Variants in OLA1 observed in about 807,000 individuals in gnomAD.
The protein encoded by OLA1 is Obg like ATPase 1, also known as obg-like ATPase 1.
A neutral mutation model predicts 48.4 loss-of-function variants in OLA1; 14 were observed. The ratio of observed to expected loss-of-function variants is 0.29; its 90% CI spans 0.19 to 0.45. The LOEUF (loss-of-function observed/expected upper bound fraction) is 0.45, where lower values mean the gene tolerates loss of function less well. OLA1 is among the 20% of genes least tolerant of loss of function. OLA1 has a pLI of 1.00. For synonymous variants in OLA1, 127 were observed against 150.4 expected (o/e 0.84, Z 1.14); for missense variants, 325 against 467.1 (o/e 0.70, Z 2.80).
At chr2:174,132,649 G>A (rs981195364) in intron 5 of OLA1, among the ~76,000 whole-genome samples, 1 of 152,068 alleles carries the variant, frequency 6.6e-6, no homozygotes, top group Non-Finnish European at 1.5e-5. Context: ...ACAATTTCTA[G>A]TAATCTTCCC....
intron 5 of OLA1, among the ~76,000 whole-genome samples, chr2:174,139,952 T>C (rs1214607230): frequency 6.6e-6 from 1 of 152,050 alleles, no homozygotes; most frequent in East Asian, 1.9e-4. Context: ...GGAAAAACTC[T>C]TCTTTAACAT....
intron 2 of OLA1, among the ~76,000 whole-genome samples, chr2:174,230,875 G>A (rs1688713649): frequency 6.6e-6 from 1 of 152,154 alleles, no homozygotes; most frequent in Admixed American, 6.5e-5. Flanking sequence ...TGAAGGGTCT[G>A]GGATTCTGAA....
intron 4 of OLA1, among the ~76,000 whole-genome samples, chr2:174,210,746 T>C (rs1278218101): frequency 6.6e-6 from 1 of 152,200 alleles, no homozygotes; most frequent in African/African-American, 2.4e-5. Context: ...GGTTTTCCTT[T>C]GCTTTGACAA....
At chr2:174,119,614 C>T (rs1372890374) in intron 7 of OLA1, among the ~76,000 whole-genome samples, 2 of 151,922 alleles carry the variant, frequency 1.3e-5, no homozygotes, top group African/African-American at 2.4e-5. Flanking sequence ...CCCCCCAAAC[C>T]AAGCACATAA....
chr2:174,207,716 C>T (rs1688149064), intron 4 of OLA1, among the ~76,000 whole-genome samples: 1 of 152,092 alleles, frequency 6.6e-6, no homozygotes, highest in African/African-American at 2.4e-5. Context: ...AATTGATATG[C>T]TCTACTTACT....
At position 174,134,709 on chromosome 2, in the gene OLA1, T is replaced by TGG. The variant is rs61696417; in HGVS notation, c.549+7114_549+7115dup. Among the ~76,000 whole-genome samples, 828 of 152,244 alleles carry TGG rather than the reference T, an allele frequency of 5.4e-3. 5 individuals carry two copies. The highest frequency in any genetic ancestry group is 0.019 in the African/African-American group (783 of 41,548). On this transcript the variant is annotated intron_variant, in intron 5 of 10. Transcript: ENST00000284719. The stretch of plus-strand genomic sequence containing the variant: ...AAGTTCTGAAAACATATAGGGGTAA[T>TGG]GGTTGTACAATATTATAAATGTACT...
Position 174,075,260 on chromosome 2 carries a change from G to GA in OLA1, c.*165_*166insT. 1 of 517,196 alleles carries GA rather than the reference G, an allele frequency of 1.9e-6. No individual in the cohort carries two copies. Among genetic ancestry groups the GA allele is most frequent in the South Asian group, 2.3e-5 (1 of 43,618 alleles). 32.0% of individuals were successfully genotyped at this position (517,196 alleles called of 1,614,324 possible). Reference sequence around the variant, plus strand: ...TAGTGAACCTGCATTTCATGGGGGGGGGGGGGTACACAGTATTTTAATTTT... The same window carrying GA: ...TAGTGAACCTGCATTTCATGGGGGGGAGGGGGGTACACAGTATTTTAATTTT... On this transcript the variant is annotated 3_prime_UTR_variant, in exon 11 of 11. Coordinates refer to ENST00000284719, the MANE Select transcript of OLA1 (RefSeq NM_013341.5).
intron 6 of OLA1, 130 bp from the exon 7 acceptor site, chr2:174,123,407 A>AGAATTCTTCTTTCCAAGAATTCTTTCC: frequency 1.6e-6 from 1 of 606,984 alleles, no homozygotes; most frequent in Non-Finnish European, 2.8e-6. Flanking sequence ...CTTCTTTCCA[A>AGAATTCTTCTTTCCAAGAATTCTTTCC]AAGATTAGTG....
At chr2:174,110,091 A>ATTTTAT (rs1685611164) in intron 7 of OLA1, among the ~76,000 whole-genome samples, 1 of 111,018 alleles carries the variant, frequency 9.0e-6, no homozygotes, top group Admixed American at 1.0e-4. Context: ...TTTGCTAAGG[A>ATTTTAT]TTTTTTTTTT....
At chr2:174,173,556 G>C (rs1476517542) in intron 4 of OLA1, among the ~76,000 whole-genome samples, 1 of 151,876 alleles carries the variant, frequency 6.6e-6, no homozygotes, top group African/African-American at 2.4e-5. Context: ...TTTACAACTT[G>C]ATTTTTTTTA....
chr2:174,246,547 A>G (rs1689131346), intron 2 of OLA1, among the ~76,000 whole-genome samples, 168 bp downstream of exon 2: 2 of 152,194 alleles, frequency 1.3e-5, no homozygotes, highest in Non-Finnish European at 2.9e-5. Flanking sequence ...CAGCACTGAA[A>G]TCAATAAAAT....
intron 4 of OLA1, among the ~76,000 whole-genome samples, chr2:174,193,122 C>T (rs1233039332): frequency 1.4e-5 from 2 of 146,894 alleles, no homozygotes; most frequent in Non-Finnish European, 3.0e-5. Flanking sequence ...GGGGGTCTCG[C>T]TCTGTTGCCC....
chr2:174,134,679 T>C (rs1045705120), intron 5 of OLA1, among the ~76,000 whole-genome samples: 8 of 152,212 alleles, frequency 5.3e-5, no homozygotes, highest in African/African-American at 1.9e-4. Context: ...TATGAAATGA[T>C]GAAAAAGTTC....
Position 174,095,333 on chromosome 2 carries a change from TTTTTTTTTTTTTTTTTG to T in OLA1, c.729-13286_729-13270del, listed in dbSNP as rs796177363. 8.7e-3 allele frequency among the ~76,000 whole-genome samples: 998 copies of T among 115,082 alleles called. 15 individuals carry two copies. Among genetic ancestry groups the T allele is most frequent in the African/African-American group, 0.026 (905 of 34,868 alleles). 75.5% of individuals were successfully genotyped at this position (115,082 alleles called of 152,430 possible). A position where few individuals can be genotyped will look rare whatever the true frequency, so the allele number is the denominator to read the frequency against. ...AGCACTTGTTATTTCCTGTTTTTTT[TTTTTTTTTTTTTTTTTG>T]TTGTTGTTGTTGTTTTTATAGTGGC... On this transcript the variant is annotated intron_variant, in intron 7 of 10. Transcript: ENST00000284719.
At chr2:174,192,964 G>A (rs569865269) in intron 4 of OLA1, among the ~76,000 whole-genome samples, 2 of 152,048 alleles carry the variant, frequency 1.3e-5, no homozygotes, top group South Asian at 4.2e-4. Context: ...ACATGTCCAC[G>A]TGTGTAAGCG....
At chr2:174,242,469 G>C (rs1367701105) in intron 2 of OLA1, among the ~76,000 whole-genome samples, 2 of 152,140 alleles carry the variant, frequency 1.3e-5, no homozygotes, top group Admixed American at 1.3e-4. Context: ...CCACAGATCG[G>C]TACCAGTCCC....
At chr2:174,142,098 A>G in intron 4 of OLA1, 98 bp from the exon 5 acceptor site, 1 of 1,051,962 alleles carries the variant, frequency 9.5e-7, no homozygotes, top group Non-Finnish European at 1.4e-6. Flanking sequence ...AAATAAATAT[A>G]ATAAATAAAT....
intron 9 of OLA1, 171 bp downstream of exon 9, chr2:174,080,981 G>A (rs904099791): frequency 1.7e-5 from 10 of 592,454 alleles, no homozygotes; most frequent in Admixed American, 1.2e-4. Flanking sequence ...AATCAATGCC[G>A]CTCCACTTTC....
chr2:174,241,356 T>C (rs1399442404), intron 2 of OLA1, among the ~76,000 whole-genome samples: 1 of 152,226 alleles, frequency 6.6e-6, no homozygotes, highest in Admixed American at 6.5e-5. Context: ...TTGCTACACA[T>C]CAACAGATAA....
Sources: allele counts gnomAD v4.1 joint callset (sites outside exome capture counted in the v4.1 genomes callset), GRCh38; gene constraint gnomAD v4.1.1; transcripts MANE v1.5; gene names NCBI Gene and HGNC (gene_info 2026-07-23, HGNC 2026-07-21).